The following WDR86 variants were observed in gnomAD, a reference collection of about 807,000 sequenced individuals.
WDR86 encodes WD repeat domain 86, also known as WD repeat-containing protein 86.
Under a neutral mutation model 36.5 loss-of-function variants are expected in WDR86, and 30 were observed. The observed-to-expected ratio is 0.82, with a 90% CI of 0.61 to 1.11. The LOEUF (loss-of-function observed/expected upper bound fraction) is 1.11, where lower values mean the gene tolerates loss of function less well. Among genes scored for constraint, WDR86 ranks in the 50% most tolerant of loss-of-function variants. The pLI, the probability that WDR86 is intolerant of heterozygous loss-of-function variation, is 0.00. For missense variants in WDR86, 545 were observed against 561.2 expected (o/e 0.97, Z 0.29); for synonymous variants, 255 against 252.9 (o/e 1.01, Z -0.08).
chr7:151,401,608 G>A lies in WDR86; in HGVS notation c.164-1367C>T, dbSNP rs10231784. ...TCCTTACACTGGGGAGAGATACTGT[G>A]GTAGGCAGAATGACGGCCCCAAGAC... On this transcript the variant is annotated intron_variant, in intron 1 of 5. Transcript: ENST00000334493. This position sits in a 1 kb window ranked among gnomAD's most constrained non-coding sequence, Gnocchi z 4.3. Among the ~76,000 whole-genome samples, 3 of 152,138 alleles carry A rather than the reference G, an allele frequency of 2.0e-5. No homozygotes were observed. The highest frequency in any genetic ancestry group is 4.1e-4 in the South Asian group (2 of 4,824).
intron 3 of WDR86, among the ~76,000 whole-genome samples, chr7:151,389,216 AAAGTG>A (rs2150775324): frequency 6.7e-6 from 1 of 149,844 alleles, no homozygotes; most frequent in South Asian, 2.1e-4. Context: ...TCAGCCTCCC[AAAGTG>A]CTGGGATAAC....
rs529969592 is a variant in WDR86 at position 151,400,209 on chromosome 7, C to T, written c.196G>A (p.Glu66Lys). The change falls in exon 2 of 6, where the codon GAG becomes AAG. Residue 66 changes from glutamate to lysine, a missense_variant. By Grantham distance (56) the Glu-to-Lys change is moderately conservative. Transcript: ENST00000334493. ...HESYVTFCQL[E>K]DEAAFTCSAD... is the part of the protein sequence containing the mutation. ...CTGCATGTGAAGGCAGCCTCATCCT[C>T]CAGCTGGCAGAAGGTCACATAGCTT... 6.8e-6 allele frequency: 11 copies of T among 1,610,950 alleles called. No homozygotes were observed. The African/African-American group carries it at 1.1e-4, about 16-fold the overall frequency.
chr7:151,396,438 A>G (rs186489738), intron 2 of WDR86, among the ~76,000 whole-genome samples: 2 of 152,278 alleles, frequency 1.3e-5, no homozygotes, highest in East Asian at 3.9e-4. Context: ...GCAGGGACCA[A>G]GCTTAGATGC....
rs13238335 is a variant in WDR86, at chr7:151,409,336, G to C, written c.163+91C>G. ...GGGATGAGCGGGGGCTGGACTTCTA[G>C]AAAGGGGTCTGCGGGCGCAGGAGCT... is the stretch of plus-strand genomic sequence containing the variant. On this transcript the variant is annotated intron_variant, in intron 1 of 5. Transcript: ENST00000334493. The surrounding 1 kb of genome is among the most constrained non-coding windows in gnomAD (Gnocchi z 5.2). 9.2e-6 allele frequency: 14 copies of C among 1,521,986 alleles called. No individual in the cohort carries two copies. The highest frequency in any genetic ancestry group is 1.2e-5 in the Non-Finnish European group (13 of 1,125,236). The allele number at this position is 1,521,986 out of a possible 1,614,324, so 94.3% of individuals were successfully genotyped here.
rs985190308 is a variant in WDR86, at chr7:151,401,814, C to T, written c.164-1573G>A. ...CCTGTAATTCCAGCACTTTGGGAGGCCGAGGCGGGTGGATCACAAGGTCAG... is the reference window on the plus strand; with the variant it reads ...CCTGTAATTCCAGCACTTTGGGAGGTCGAGGCGGGTGGATCACAAGGTCAG... On this transcript the variant is annotated intron_variant, in intron 1 of 5. Coordinates refer to ENST00000334493, the MANE Select transcript of WDR86 (RefSeq NM_198285.3). This position sits in a 1 kb window ranked among gnomAD's most constrained non-coding sequence, Gnocchi z 4.3. Among the ~76,000 whole-genome samples, 2 of 151,708 alleles carry T rather than the reference C, an allele frequency of 1.3e-5. No homozygotes were observed. Among genetic ancestry groups the T allele is most frequent in the African/African-American group, 4.9e-5 (2 of 41,206 alleles).
At position 151,393,553 on chromosome 7, in the gene WDR86, C is replaced by T. The variant is rs1252605992; in HGVS notation, c.726+2223G>A. ...CCACCTGGCCAGTGGCCTTTCTATG[C>T]CTGCGCTGGTTCCTCTTTCACTGGT... is the stretch of plus-strand genomic sequence containing the variant. On this transcript the variant is annotated intron_variant, in intron 3 of 5. Coordinates refer to ENST00000334493, the MANE Select transcript of WDR86 (RefSeq NM_198285.3). Among the ~76,000 whole-genome samples, 3 of 152,176 alleles carry T rather than the reference C, an allele frequency of 2.0e-5. No homozygotes were observed. The South Asian group carries it at 6.2e-4, about 32-fold the overall frequency.
chr7:151,380,809 C>A (rs1438308127), downstream of WDR86, among the ~76,000 whole-genome samples: 3 of 150,854 alleles, frequency 2.0e-5, no homozygotes, highest in Admixed American at 2.0e-4. Context: ...CACTCCAGGC[C>A]CTGAACGGAC....
At position 151,409,782 on chromosome 7, in the gene WDR86, GC is replaced by G. The variant is rs2150894469; in HGVS notation, c.-194del. 7.9e-7 allele frequency: 1 copy of G among 1,269,918 alleles called. No individual in the cohort carries two copies. The highest frequency in any genetic ancestry group is 3.2e-5 in the East Asian group (1 of 31,006). The allele number at this position is 1,269,918 out of a possible 1,614,324, so 78.7% of individuals were successfully genotyped here. Reference sequence around the variant, plus strand: ...CCCGCTGCCTCCAGCCTCTGGGCCCGCGAACCCAGGGCGCTGCGGGGGGCGG... The same window carrying G: ...CCCGCTGCCTCCAGCCTCTGGGCCCGGAACCCAGGGCGCTGCGGGGGGCGG... On this transcript the variant is annotated 5_prime_UTR_variant, in exon 1 of 6. Transcript: ENST00000334493. This position sits in a 1 kb window ranked among gnomAD's most constrained non-coding sequence, Gnocchi z 5.2.
chr7:151,387,244 C>CCTGGGTGACCAGGGCAGGAGGCTTG (rs1276704062), intron 3 of WDR86, among the ~76,000 whole-genome samples: 14 of 152,164 alleles, frequency 9.2e-5, no homozygotes, highest in Non-Finnish European at 1.9e-4. Context: ...AAGGAGGCTT[C>CCTGGGTGACCAGGGCAGGAGGCTTG]CTGGGTGACC....
At chr7:151,377,519 T>C (rs2150730816), downstream of WDR86, 1 of 205,392 alleles carries the variant, frequency 4.9e-6, no homozygotes. Context: ...AGGGGTCCTG[T>C]AGAACAGGGG....
intron 3 of WDR86, among the ~76,000 whole-genome samples, chr7:151,387,930 C>T (rs1386749528): frequency 6.6e-6 from 1 of 152,380 alleles, no homozygotes; most frequent in East Asian, 1.9e-4. Context: ...GTCTCATGTG[C>T]AACGTGAGAA....
In WDR86 at chr7:151,409,502, G is replaced by A. The variant is rs1179780761; in HGVS notation, c.88C>T (p.Leu30=). The part of the protein sequence containing the change: ...WLSLSPDGQR[L]LTGSEDGTAR... ...GTGCCGTCCTCGCTGCCCGTCAGCA[G>A]GCGCTGCCCGTCGGGGCTCAGGCTC... Residue 30 remains leucine (L), a synonymous_variant, in exon 1 of 6, where the codon CTG becomes TTG. Transcript: ENST00000334493. The surrounding 1 kb of genome is among the most constrained non-coding windows in gnomAD (Gnocchi z 5.2). The A allele has an allele frequency of 6.5e-7, 1 of 1,533,094 alleles. No homozygotes were observed. Among genetic ancestry groups the A allele is most frequent in the Non-Finnish European group, 8.7e-7 (1 of 1,145,822 alleles). The allele number at this position is 1,533,094 out of a possible 1,614,324, so 95.0% of individuals were successfully genotyped here.
chr7:151,374,403 A>T, downstream of WDR86: 1 of 922,704 alleles, frequency 1.1e-6, no homozygotes, highest in South Asian at 1.4e-5. Context: ...GCCCAGACAC[A>T]GGCTGCGTGA....
rs1389520997 is a variant in WDR86 at position 151,390,500 on chromosome 7, T to C, written c.726+5276A>G. On this transcript the variant is annotated intron_variant, in intron 3 of 5. Coordinates refer to ENST00000334493, the MANE Select transcript of WDR86 (RefSeq NM_198285.3). This position sits in a 1 kb window ranked among gnomAD's most constrained non-coding sequence, Gnocchi z 4.5. The stretch of plus-strand genomic sequence containing the variant: ...CACTCGCCTTAAGAATCATTTCACT[T>C]TGGCAGTTCCTCAAAAAGCTGAACA... Among the ~76,000 whole-genome samples, 2 of 152,144 alleles carry C rather than the reference T, an allele frequency of 1.3e-5. No individual in the cohort carries two copies. The highest frequency in any genetic ancestry group is 2.9e-5 in the Non-Finnish European group (2 of 68,028).
rs181006274 is a variant in WDR86, at chr7:151,406,668, C to T, written c.163+2759G>A. On this transcript the variant is annotated intron_variant, in intron 1 of 5. Transcript: ENST00000334493. The surrounding 1 kb of genome is among the most constrained non-coding windows in gnomAD (Gnocchi z 4.4). ...CATGGACCAGCTGCGGGACCCTGGA[C>T]AAGTCCTGCCACCGCACCACGCCTC... 8.5e-4 allele frequency among the ~76,000 whole-genome samples: 130 copies of T among 152,286 alleles called. No individual in the cohort carries two copies. The highest frequency in any genetic ancestry group is 2.6e-3 in the Admixed American group (40 of 15,296).
chr7:151,395,055 G>A (rs1450503471), intron 3 of WDR86, among the ~76,000 whole-genome samples: 2 of 152,224 alleles, frequency 1.3e-5, no homozygotes, highest in African/African-American at 4.8e-5. Flanking sequence ...GTCCAGGGGA[G>A]GCAACGGAGA....
chr7:151,376,581 G>A, downstream of WDR86: 1 of 1,511,714 alleles, frequency 6.6e-7, no homozygotes, highest in Non-Finnish European at 8.9e-7. Flanking sequence ...GCTGACGGGG[G>A]TGGCAGAAGA....
downstream of WDR86, among the ~76,000 whole-genome samples, chr7:151,380,672 G>A (rs533876196): frequency 3.5e-4 from 53 of 152,130 alleles, no homozygotes; most frequent in African/African-American, 1.2e-3. Flanking sequence ...CGAGCCCCTG[G>A]GCACAGGGCT....
At position 151,385,792 on chromosome 7, in the gene WDR86, T is replaced by C. The variant is rs530126603; in HGVS notation, c.727-569A>G. ...ACAGTCTCACCCAGCCATGTGATGC[T>C]GCTGTCTCGCAGGAGGTACGGAGAG... On this transcript the variant is annotated intron_variant, in intron 3 of 5. Transcript: ENST00000334493. Among the ~76,000 whole-genome samples, 18 of 152,272 alleles carry C rather than the reference T, an allele frequency of 1.2e-4. No homozygotes were observed. The East Asian group carries it at 3.5e-3, about 29-fold the overall frequency.
Sources: allele counts gnomAD v4.1 joint callset (sites outside exome capture counted in the v4.1 genomes callset), GRCh38; gene constraint gnomAD v4.1.1; non-coding constraint Gnocchi (gnomAD v3.1); transcripts MANE v1.5; gene names NCBI Gene and HGNC (gene_info 2026-07-23, HGNC 2026-07-21).